The following SLCO1B1 variants were observed in gnomAD, a reference collection of about 807,000 sequenced individuals.
SLCO1B1 encodes the protein OATP-2.
In SLCO1B1, 81 loss-of-function variants were observed where a neutral mutation model predicts 70.1. That is an observed-to-expected ratio of 1.16 (90% CI 0.97 to 1.39). SLCO1B1 has a LOEUF of 1.39. SLCO1B1 is among the 40% of genes most tolerant of loss of function. The pLI is 0.00. For missense variants in SLCO1B1, 895 were observed against 799.6 expected (o/e 1.12, Z -1.44); for synonymous variants, 283 against 271.5 (o/e 1.04, Z -0.42).
Position 21,197,193 on chromosome 12 carries a change from G to A in SLCO1B1, c.970+5G>A. The A allele has an allele frequency of 3.1e-6, 5 of 1,612,358 alleles. No homozygotes were observed. Among genetic ancestry groups the A allele is most frequent in the Non-Finnish European group, 4.2e-6 (5 of 1,179,044 alleles). On this transcript the variant is annotated splice_donor_5th_base_variant and intron_variant, in intron 8 of 14. Coordinates refer to ENST00000256958, the MANE Select transcript of SLCO1B1 (RefSeq NM_006446.5). Reference sequence around the variant, plus strand: ...ATATTACCAAAAATGTGACTGGTAAGTATTTAACATTCATTGTCAATTTGG... The same window carrying A: ...ATATTACCAAAAATGTGACTGGTAAATATTTAACATTCATTGTCAATTTGG...
intron 7 of SLCO1B1, among the ~76,000 whole-genome samples, chr12:21,180,344 T>C (rs1940880010): frequency 6.6e-6 from 1 of 152,172 alleles, no homozygotes; most frequent in African/African-American, 2.4e-5. Flanking sequence ...TCTTCCAAAA[T>C]GTGGATCCTC....
chr12:21,139,537 A>C (rs1489276064), intron 1 of SLCO1B1, among the ~76,000 whole-genome samples: 2 of 152,064 alleles, frequency 1.3e-5, no homozygotes, highest in African/African-American at 4.8e-5. Context: ...TATGTATTAT[A>C]TATATTTATA....
intron 1 of SLCO1B1, among the ~76,000 whole-genome samples, chr12:21,132,860 GC>G (rs1353804647): frequency 6.6e-6 from 1 of 152,044 alleles, no homozygotes; most frequent in Non-Finnish European, 1.5e-5. Context: ...GTCATTTTTG[GC>G]TTTTGTTGCC....
chr12:21,213,412 T>C (rs1210095589), intron 11 of SLCO1B1, among the ~76,000 whole-genome samples: 1 of 151,870 alleles, frequency 6.6e-6, no homozygotes, highest in Non-Finnish European at 1.5e-5. Context: ...TTCTGGCTTA[T>C]AGGGTTTCTG....
At chr12:21,172,980 A>G (rs570917865) in intron 3 of SLCO1B1, among the ~76,000 whole-genome samples, 189 bp downstream of exon 3, 7 of 152,344 alleles carry the variant, frequency 4.6e-5, no homozygotes, top group Non-Finnish European at 8.8e-5. Flanking sequence ...ATCTAAAGGT[A>G]GAGGTCAGGG....
At chr12:21,227,237 C>A (rs531658061) in intron 14 of SLCO1B1, among the ~76,000 whole-genome samples, 2,502 of 151,700 alleles carry the variant, frequency 0.016, 66 homozygotes, top group African/African-American at 0.057. Context: ...GTTCTACCTG[C>A]AGGAAAATGA....
chr12:21,160,628 C>T (rs186201594), intron 2 of SLCO1B1, among the ~76,000 whole-genome samples: 2 of 151,774 alleles, frequency 1.3e-5, no homozygotes, highest in Non-Finnish European at 2.9e-5. Context: ...CAAATGACAC[C>T]GAAAGCAATC....
Position 21,178,988 on chromosome 12 carries a change from A to C in SLCO1B1, c.695A>C (p.Lys232Thr), listed in dbSNP as rs374328647. Reference protein sequence around the residue: ...IGFTLGSLFSKMYVDIGYVDL... With the variant: ...IGFTLGSLFSTMYVDIGYVDL... ...TTTACCCTGGGATCTCTGTTTTCTAAAATGTACGTGGATATTGGATATGTA... is the reference window on the plus strand; with the variant it reads ...TTTACCCTGGGATCTCTGTTTTCTACAATGTACGTGGATATTGGATATGTA... The change falls in exon 7 of 15, where the codon AAA becomes ACA. Residue 232 changes from lysine (K) to threonine (T), a missense_variant. Physicochemically the swap from Lys to Thr is moderately conservative, Grantham distance 78. Coordinates refer to ENST00000256958, the MANE Select transcript of SLCO1B1 (RefSeq NM_006446.5). 105 of 1,610,566 alleles carry C rather than the reference A, an allele frequency of 6.5e-5. No homozygotes were observed. Among genetic ancestry groups the C allele is most frequent in the Non-Finnish European group, 8.5e-5 (100 of 1,177,266 alleles).
chr12:21,196,618 T>C (rs1234343258), intron 7 of SLCO1B1, among the ~76,000 whole-genome samples: 2 of 152,146 alleles, frequency 1.3e-5, no homozygotes, highest in Admixed American at 6.6e-5. Flanking sequence ...TGAGACGTCA[T>C]AGTTCTTCCA....
At chr12:21,142,961 C>G (rs1233590244) in intron 2 of SLCO1B1, among the ~76,000 whole-genome samples, 1 of 152,000 alleles carries the variant, frequency 6.6e-6, no homozygotes, top group Non-Finnish European at 1.5e-5. Flanking sequence ...GAGGAAGATA[C>G]TGGGATAAGA....
intron 2 of SLCO1B1, among the ~76,000 whole-genome samples, chr12:21,160,448 C>G (rs1940603138): frequency 6.6e-6 from 1 of 151,736 alleles, no homozygotes; most frequent in Non-Finnish European, 1.5e-5. Context: ...AATTGGACCC[C>G]TTCCTTACAC....
At chr12:21,160,815 G>C (rs919390303) in intron 2 of SLCO1B1, among the ~76,000 whole-genome samples, 13 of 151,706 alleles carry the variant, frequency 8.6e-5, no homozygotes, top group African/African-American at 2.7e-4. Context: ...ATTTACAAGA[G>C]AAAAACAAAC....
chr12:21,231,641 A>G (rs1941539667), intron 14 of SLCO1B1, among the ~76,000 whole-genome samples: 1 of 152,050 alleles, frequency 6.6e-6, no homozygotes, highest in Non-Finnish European at 1.5e-5. Context: ...ATATAGATAT[A>G]TACACACACA....
chr12:21,179,373 G>C (rs1050971345), intron 7 of SLCO1B1, among the ~76,000 whole-genome samples: 7 of 152,080 alleles, frequency 4.6e-5, no homozygotes. Flanking sequence ...ACAACTTAAA[G>C]TTTGCTTTGC....
intron 11 of SLCO1B1, among the ~76,000 whole-genome samples, chr12:21,209,991 T>G (rs1393222528): frequency 1.3e-5 from 2 of 151,812 alleles, no homozygotes; most frequent in African/African-American, 2.4e-5. Flanking sequence ...TGTGAAAATT[T>G]TCTCCCATTT....
chr12:21,195,256 G>C (rs962924345), intron 7 of SLCO1B1, among the ~76,000 whole-genome samples: 1 of 152,048 alleles, frequency 6.6e-6, no homozygotes, highest in African/African-American at 2.4e-5. Context: ...CTTTTTGTTA[G>C]GAACTTTCAG....
intron 4 of SLCO1B1, among the ~76,000 whole-genome samples, chr12:21,176,145 G>A (rs1940817417): frequency 2.0e-5 from 3 of 151,984 alleles, no homozygotes; most frequent in Admixed American, 1.3e-4. Context: ...TATCATCTAT[G>A]TTTATACTAG....
chr12:21,188,282 C>T (rs902233563), intron 7 of SLCO1B1, among the ~76,000 whole-genome samples: 3 of 151,926 alleles, frequency 2.0e-5, no homozygotes, highest in African/African-American at 7.3e-5. Flanking sequence ...TCCTTCTCCT[C>T]CTCAGCCTAC....
At chr12:21,214,439 G>A (rs1319502218) in intron 11 of SLCO1B1, among the ~76,000 whole-genome samples, 1 of 146,914 alleles carries the variant, frequency 6.8e-6, no homozygotes, top group Non-Finnish European at 1.5e-5. Flanking sequence ...CCAGCTGCGT[G>A]CCGGGAGAAC....
Sources: gnomAD v4.1 joint callset for allele counts (sites outside exome capture counted in the v4.1 genomes callset) on GRCh38, gnomAD v4.1.1 for gene constraint, MANE v1.5 for transcripts, NCBI Gene and HGNC (gene_info 2026-07-23, HGNC 2026-07-21) for gene names.